Variants in C11orf65 observed in about 807,000 individuals in gnomAD.
C11orf65 encodes chromosome 11 open reading frame 65.
A neutral mutation model predicts 35.3 loss-of-function variants in C11orf65; 38 were observed. That is an observed-to-expected ratio of 1.08 (90% CI 0.83 to 1.41). C11orf65 has a LOEUF of 1.41. Among genes scored for constraint, C11orf65 ranks in the 40% most tolerant of loss-of-function variants. The pLI, the probability that C11orf65 is intolerant of heterozygous loss-of-function variation, is 0.00. For synonymous variants in C11orf65, 105 were observed against 114.4 expected (o/e 0.92, Z 0.53); for missense variants, 370 against 367.1 (o/e 1.01, Z -0.06).
intron 2 of C11orf65, among the ~76,000 whole-genome samples, chr11:108,456,945 G>GC (rs2093417253): frequency 6.6e-6 from 1 of 152,140 alleles, no homozygotes; most frequent in Non-Finnish European, 1.5e-5. Context: ...CAAAGGACTT[G>GC]CATTCAGGAT....
At chr11:108,334,836 T>G in intron 3 of C11orf65, 2 of 1,061,778 alleles carry the variant, frequency 1.9e-6, no homozygotes, top group Non-Finnish European at 2.8e-6. Flanking sequence ...GGCCTAAAGT[T>G]GTAGTTCTTA....
At chr11:108,400,950 CA>C in intron 6 of C11orf65, among the ~76,000 whole-genome samples, 1 of 150,554 alleles carries the variant, frequency 6.6e-6, no homozygotes, top group African/African-American at 2.4e-5. Flanking sequence ...ACTAAAAATA[CA>C]AAAAAAAATT....
intron 2 of C11orf65, among the ~76,000 whole-genome samples, chr11:108,440,542 G>A (rs1326635981): frequency 3.9e-5 from 6 of 152,090 alleles, no homozygotes; most frequent in Non-Finnish European, 7.4e-5. Flanking sequence ...TTTCACTTAC[G>A]TATCTGCTTA....
At chr11:108,363,141 C>A (rs930744164) in intron 2 of C11orf65, among the ~76,000 whole-genome samples, 5 of 152,058 alleles carry the variant, frequency 3.3e-5, no homozygotes, top group African/African-American at 1.2e-4. Flanking sequence ...ACAGTAAGAC[C>A]CTTTCTGCCT....
intron 2 of C11orf65, among the ~76,000 whole-genome samples, chr11:108,358,211 T>C (rs1263445564): frequency 6.6e-6 from 1 of 150,802 alleles, no homozygotes; most frequent in Admixed American, 6.6e-5. Flanking sequence ...GAAGATGAAA[T>C]GAATGAAATG....
intron 3 of C11orf65, among the ~76,000 whole-genome samples, chr11:108,414,538 T>C (rs1197212992): frequency 1.3e-5 from 2 of 152,068 alleles, no homozygotes; most frequent in African/African-American, 2.4e-5. Context: ...TTAATAGGCC[T>C]ATCTCTATTA....
intron 2 of C11orf65, among the ~76,000 whole-genome samples, chr11:108,435,040 T>C (rs2093042543): frequency 6.6e-6 from 1 of 152,214 alleles, no homozygotes; most frequent in Non-Finnish European, 1.5e-5. Flanking sequence ...CTCTATGTTG[T>C]AGTAGATGCT....
intron 6 of C11orf65, among the ~76,000 whole-genome samples, chr11:108,318,981 G>A (rs932426973): frequency 2.0e-4 from 30 of 152,008 alleles, no homozygotes; most frequent in Admixed American, 3.3e-4. Flanking sequence ...TTCAAGACAA[G>A]CTTGGGCAAC....
At chr11:108,459,705 G>C (rs1227468135) in intron 2 of C11orf65, among the ~76,000 whole-genome samples, 1 of 134,800 alleles carries the variant, frequency 7.4e-6, no homozygotes, top group Non-Finnish European at 1.6e-5. Flanking sequence ...AGAGATAGAA[G>C]GTGAAAATGT....
At chr11:108,420,105 T>C (rs557243307) in intron 3 of C11orf65, among the ~76,000 whole-genome samples, 59 of 132,190 alleles carry the variant, frequency 4.5e-4, no homozygotes, top group African/African-American at 1.6e-3. Context: ...CATAATAGCA[T>C]CAAAAATAAG....
chr11:108,341,551 C>T (rs1308398654), intron 2 of C11orf65, among the ~76,000 whole-genome samples: 1 of 152,022 alleles, frequency 6.6e-6, no homozygotes, highest in Non-Finnish European at 1.5e-5. Flanking sequence ...ATAAATTAAT[C>T]AAATGCTTCC....
intron 6 of C11orf65, chr11:108,309,196 T>TA (rs1311466008): frequency 3.7e-6 from 2 of 544,732 alleles, no homozygotes; most frequent in African/African-American, 3.8e-5. Flanking sequence ...AGAACAACAA[T>TA]AAAACAACAA....
chr11:108,454,825 A>G (rs1158599407), intron 2 of C11orf65, among the ~76,000 whole-genome samples: 2 of 151,948 alleles, frequency 1.3e-5, no homozygotes, highest in African/African-American at 4.8e-5. Flanking sequence ...CAAAAACCCA[A>G]CTCCTGGTTT....
At chr11:108,340,138 G>C (rs535871293) in intron 2 of C11orf65, 1 of 151,020 alleles carries the variant, frequency 6.6e-6, no homozygotes, top group African/African-American at 2.4e-5. Flanking sequence ...TGCTCAGACT[G>C]AAACCTAGAG....
chr11:108,371,036 C>T (rs1178439770), intron 2 of C11orf65, among the ~76,000 whole-genome samples: 1 of 152,130 alleles, frequency 6.6e-6, no homozygotes, highest in Non-Finnish European at 1.5e-5. Flanking sequence ...TCAACATAGA[C>T]ACATTGCTGA....
chr11:108,378,259 C>T (rs1418491263), downstream of C11orf65, among the ~76,000 whole-genome samples: 1 of 149,726 alleles, frequency 6.7e-6, no homozygotes, highest in Non-Finnish European at 1.5e-5. Context: ...ACCAAAACAG[C>T]ATGGTACTGG....
Position 108,447,572 on chromosome 11 carries a change from T to G in C11orf65, c.81+13907A>C, listed in dbSNP as rs1445940505. On this transcript the variant is annotated intron_variant, in intron 2 of 8. Coordinates refer to ENST00000393084, the MANE Select transcript of C11orf65 (RefSeq NM_152587.5). ...CAAAATGAAGGCAGAAATAAAGACG[T>G]TCTTTGAAACCAACGAGAACAAAGG... Among the ~76,000 whole-genome samples the G allele has an allele frequency of 3.9e-5, 6 of 152,192 alleles. 1 individual carries two copies. The highest frequency in any genetic ancestry group is 3.9e-4 in the Admixed American group (6 of 15,286).
intron 2 of C11orf65, chr11:108,354,733 AT>A: frequency 2.5e-6 from 3 of 1,217,274 alleles, no homozygotes; most frequent in Non-Finnish European, 3.7e-6. Flanking sequence ...CATACTACAC[AT>A]GAGAGTATAC....
intron 1 of C11orf65, among the ~76,000 whole-genome samples, chr11:108,465,811 C>A (rs543317477): frequency 6.0e-4 from 91 of 151,822 alleles, no homozygotes; most frequent in African/African-American, 2.0e-3. Flanking sequence ...ATGGAGAAAT[C>A]CCGTCTCTAC....
Sources: gnomAD v4.1 joint callset for allele counts (sites outside exome capture counted in the v4.1 genomes callset) on GRCh38, gnomAD v4.1.1 for gene constraint, MANE v1.5 for transcripts, NCBI Gene and HGNC (gene_info 2026-07-23, HGNC 2026-07-21) for gene names.